The following SNRNP27 variants were observed in gnomAD, a reference collection of about 807,000 sequenced individuals.
SNRNP27 encodes small nuclear ribonucleoprotein U4/U6.U5 subunit 27.
Under a neutral mutation model 25.1 loss-of-function variants are expected in SNRNP27, and 22 were observed. That is an observed-to-expected ratio of 0.88 (90% CI 0.63 to 1.25). SNRNP27 has a LOEUF of 1.25. SNRNP27 is among the 50% of genes most tolerant of loss of function. The pLI is 0.00. For synonymous variants in SNRNP27, 66 were observed against 64.9 expected, an observed-to-expected ratio of 1.02 and a Z score of -0.08; for missense variants, 150 against 202.3, an observed-to-expected ratio of 0.74 and a Z score of 1.57.
At position 69,895,035 on chromosome 2, in the gene SNRNP27, C is replaced by T. The variant is rs913135542; in HGVS notation, c.35-59C>T. The stretch of plus-strand genomic sequence containing the variant: ...TTTGCATTATTTTTCTACTGGACGG[C>T]GCAGCTCTAGATATTTGAGGTAATT... On this transcript the variant is annotated intron_variant, in intron 1 of 5. Coordinates refer to ENST00000244227, the MANE Select transcript of SNRNP27 (RefSeq NM_006857.3). 127 of 1,601,496 alleles carry T rather than the reference C, an allele frequency of 7.9e-5. No individual in the cohort carries two copies. The African/African-American group carries it at 1.5e-3, about 19-fold the overall frequency.
At chr2:69,895,068 C>A (rs772428730) in intron 1 of SNRNP27, 26 bp from the exon 2 acceptor site, 1 of 1,611,104 alleles carries the variant, frequency 6.2e-7, no homozygotes, top group Non-Finnish European at 8.5e-7. Flanking sequence ...ATTATCAGTT[C>A]TGCAATTTGT....
chr2:69,894,713 C>T lies in SNRNP27; in HGVS notation c.35-381C>T, dbSNP rs557298815. 2.0e-5 allele frequency among the ~76,000 whole-genome samples: 3 copies of T among 152,138 alleles called. No individual in the cohort carries two copies. The South Asian group carries it at 6.2e-4, about 32-fold the overall frequency. ...ATTTTTAATGAGACAGAGTCTCGCT[C>T]TGTCGCCCGCCCAGGCTGGAGTGCA... On this transcript the variant is annotated intron_variant, in intron 1 of 5. Transcript: ENST00000244227.
intron 5 of SNRNP27, chr2:69,903,453 G>A (rs1676743852): frequency 7.9e-6 from 4 of 505,256 alleles, no homozygotes; most frequent in Admixed American, 7.2e-5. Flanking sequence ...GAGGGTAGTT[G>A]GCTTAAATAT....
Position 69,898,172 on chromosome 2 carries a change from C to T in SNRNP27, c.348+716C>T, listed in dbSNP as rs2104117058. Reference sequence around the variant, plus strand: ...CTGGGACCCTGAGTGATACAGTTAACCCAGAACAGAGTTTCTGGAAGGGGA... The same window carrying T: ...CTGGGACCCTGAGTGATACAGTTAATCCAGAACAGAGTTTCTGGAAGGGGA... On this transcript the variant is annotated intron_variant, in intron 4 of 5. Transcript: ENST00000244227. Among the ~76,000 whole-genome samples, 2 of 98,856 alleles carry T rather than the reference C, an allele frequency of 2.0e-5. 1 individual carries two copies. Among genetic ancestry groups the T allele is most frequent in the Admixed American group, 1.7e-4 (2 of 11,488 alleles). The allele number at this position is 98,856 out of a possible 152,430, so 64.9% of individuals were successfully genotyped here. A position where few individuals can be genotyped will look rare whatever the true frequency, so the allele number is the denominator to read the frequency against.
chr2:69,900,502 G>A (rs1676675185), intron 4 of SNRNP27, among the ~76,000 whole-genome samples: 1 of 152,138 alleles, frequency 6.6e-6, no homozygotes, highest in Non-Finnish European at 1.5e-5. Flanking sequence ...AAAAATACAT[G>A]AAAATAGGAA....
chr2:69,900,641 C>T (rs571445077), intron 4 of SNRNP27, among the ~76,000 whole-genome samples: 9 of 152,318 alleles, frequency 5.9e-5, no homozygotes, highest in African/African-American at 2.2e-4. Flanking sequence ...AAGTACACTA[C>T]ACAGATAGGC....
At chr2:69,895,520 C>CTTTCCTTTTCT (rs2104112497) in intron 2 of SNRNP27, among the ~76,000 whole-genome samples, 1 of 152,110 alleles carries the variant, frequency 6.6e-6, no homozygotes, top group African/African-American at 2.4e-5. Flanking sequence ...CGTTCCTTTC[C>CTTTCCTTTTCT]TTTCCTTTTC....
At chr2:69,898,879 T>A (rs1387453509) in intron 4 of SNRNP27, among the ~76,000 whole-genome samples, 1 of 152,226 alleles carries the variant, frequency 6.6e-6, no homozygotes, top group Non-Finnish European at 1.5e-5. Context: ...GAAAGTTTAT[T>A]AAGATATATG....
At chr2:69,904,199 T>A (rs1484531162) in intron 5 of SNRNP27, 55 bp from the exon 6 acceptor site, 4 of 1,245,386 alleles carry the variant, frequency 3.2e-6, no homozygotes, top group Non-Finnish European at 4.5e-6. Context: ...TTTTTTTTTT[T>A]ATAAGAGGAG....
At chr2:69,903,655 A>G (rs532727100) in intron 5 of SNRNP27, among the ~76,000 whole-genome samples, 1 of 152,324 alleles carries the variant, frequency 6.6e-6, no homozygotes, top group South Asian at 2.1e-4. Context: ...GAGCGAACCA[A>G]TCCATACATG....
chr2:69,904,587 C>T lies in SNRNP27; in HGVS notation c.*279C>T, dbSNP rs999461540. On this transcript the variant is annotated 3_prime_UTR_variant, in exon 6 of 6. Transcript: ENST00000244227. ...TGTGGAAGCAGTATATGTTTTCTTCCTGAATGCTCATTAGGACTTCTTAAA... is the reference window on the plus strand; with the variant it reads ...TGTGGAAGCAGTATATGTTTTCTTCTTGAATGCTCATTAGGACTTCTTAAA... 2.6e-5 allele frequency: 14 copies of T among 548,672 alleles called. No individual in the cohort carries two copies. The South Asian group carries it at 3.1e-4, about 12-fold the overall frequency. 34.0% of individuals were successfully genotyped at this position (548,672 alleles called of 1,614,324 possible). A position where few individuals can be genotyped will look rare whatever the true frequency, so the allele number is the denominator to read the frequency against.
chr2:69,894,756 A>ACTGCAACC (rs997966787), intron 1 of SNRNP27, among the ~76,000 whole-genome samples: 1 of 152,000 alleles, frequency 6.6e-6, no homozygotes, highest in Non-Finnish European at 1.5e-5. Context: ...ATCTCAGCTC[A>ACTGCAACC]CTGCAACCTC....
At chr2:69,897,339 A>G (rs753061099) in intron 3 of SNRNP27, 38 bp from the exon 4 acceptor site, 1 of 1,386,876 alleles carries the variant, frequency 7.2e-7, no homozygotes, top group South Asian at 1.2e-5. Context: ...TATATATTTG[A>G]AATGATAGAG....
At chr2:69,899,365 G>A (rs567795807) in intron 4 of SNRNP27, among the ~76,000 whole-genome samples, 52 of 152,196 alleles carry the variant, frequency 3.4e-4, no homozygotes, top group Non-Finnish European at 5.4e-4. Context: ...TCATATGCCA[G>A]TATAGTCACC....
chr2:69,895,060 T>C, intron 1 of SNRNP27, 34 bp from the exon 2 acceptor site: 2 of 1,610,202 alleles, frequency 1.2e-6, no homozygotes, highest in East Asian at 2.2e-5. Flanking sequence ...TTGAGGTAAT[T>C]ATCAGTTCTG....
chr2:69,895,088 C>A lies in SNRNP27; in HGVS notation c.35-6C>A. 1 of 1,612,594 alleles carries A rather than the reference C, an allele frequency of 6.2e-7. No homozygotes were observed. Among genetic ancestry groups the A allele is most frequent in the East Asian group, 2.2e-5 (1 of 44,878 alleles). On this transcript the variant is annotated splice_polypyrimidine_tract_variant and splice_region_variant and intron_variant, in intron 1 of 5. Coordinates refer to ENST00000244227, the MANE Select transcript of SNRNP27 (RefSeq NM_006857.3). ...CAGTTCTGCAATTTGTGTGCGTTTG[C>A]ATTAGAACGTAGGCGTTCCCGGTCC...
At chr2:69,902,680 CCTT>C (rs1485861687) in intron 4 of SNRNP27, among the ~76,000 whole-genome samples, 1 of 150,156 alleles carries the variant, frequency 6.7e-6, no homozygotes, top group Non-Finnish European at 1.5e-5. Context: ...TTCTGCTGCT[CCTT>C]CTGCTGCTCT....
At chr2:69,902,938 CTTTTTTT>C (rs761833954) in intron 4 of SNRNP27, among the ~76,000 whole-genome samples, 1 of 92,412 alleles carries the variant, frequency 1.1e-5, no homozygotes, top group Non-Finnish European at 1.9e-5. Context: ...TCTTCTTCTT[CTTTTTTT>C]TTTTTTTTTT....
chr2:69,904,121 C>A, intron 5 of SNRNP27, 133 bp from the exon 6 acceptor site: 1 of 532,310 alleles, frequency 1.9e-6, no homozygotes, highest in Non-Finnish European at 3.3e-6. Flanking sequence ...ATTAAATTAC[C>A]TTGAATAGTT....
Sources: allele counts gnomAD v4.1 joint callset (sites outside exome capture counted in the v4.1 genomes callset), GRCh38; gene constraint gnomAD v4.1.1; transcripts MANE v1.5; gene names NCBI Gene and HGNC (gene_info 2026-07-23, HGNC 2026-07-21).